Variants in BMP7 observed in about 807,000 individuals in gnomAD.
BMP7 encodes the protein bone morphogenetic protein 7.
A neutral mutation model predicts 41.2 loss-of-function variants in BMP7; 12 were observed. That is an observed-to-expected ratio of 0.29 (90% CI 0.19 to 0.47). The LOEUF (loss-of-function observed/expected upper bound fraction) is 0.47, where lower values mean the gene tolerates loss of function less well. Among genes scored for constraint, BMP7 ranks in the 20% least tolerant of loss-of-function variants. The pLI is 0.99. For synonymous variants in BMP7, 248 were observed against 250.0 expected, an observed-to-expected ratio of 0.99 and a Z score of 0.07; for missense variants, 467 against 606.0, an observed-to-expected ratio of 0.77 and a Z score of 2.41.
chr20:57,175,807 C>T (rs1983910903), intron 4 of BMP7, among the ~76,000 whole-genome samples: 1 of 143,322 alleles, frequency 7.0e-6, no homozygotes, highest in African/African-American at 2.6e-5. Flanking sequence ...CTGTCATACT[C>T]AGAGCAGGGC....
At chr20:57,177,355 A>T (rs1174701263) in intron 4 of BMP7, among the ~76,000 whole-genome samples, 1 of 150,762 alleles carries the variant, frequency 6.6e-6, no homozygotes, top group African/African-American at 2.4e-5. Flanking sequence ...TTCATCAGCA[A>T]TTTTTTTTTT....
intron 1 of BMP7, among the ~76,000 whole-genome samples, chr20:57,263,743 T>C (rs1479202834): frequency 6.6e-6 from 1 of 152,154 alleles, no homozygotes; most frequent in Non-Finnish European, 1.5e-5. Context: ...TCTGCGTTCA[T>C]TATTTATATG....
intron 1 of BMP7, among the ~76,000 whole-genome samples, chr20:57,244,758 C>G (rs1798588792): frequency 6.6e-6 from 1 of 152,202 alleles, no homozygotes; most frequent in African/African-American, 2.4e-5. Context: ...GCCCCAAGAG[C>G]AGCCAGGTGG....
At chr20:57,265,562 T>A (rs188130885) in intron 1 of BMP7, 143 bp downstream of exon 1, 10 of 1,335,994 alleles carry the variant, frequency 7.5e-6, no homozygotes, top group Middle Eastern at 1.9e-4. Context: ...CATAGGGCTG[T>A]GGGTGGGAGA....
chr20:57,173,447 AGGGGGCCCAGCAG>A (rs1480643300), intron 5 of BMP7, 137 bp from the exon 6 acceptor site: 1 of 833,206 alleles, frequency 1.2e-6, no homozygotes, highest in Admixed American at 2.0e-5. Context: ...TCTGAGCAGC[AGGGGGCCCAGCAG>A]GGGCAGGAAA....
At chr20:57,243,474 T>TA (rs961148822) in intron 1 of BMP7, among the ~76,000 whole-genome samples, 22 of 148,940 alleles carry the variant, frequency 1.5e-4, no homozygotes, top group Admixed American at 3.3e-4. Flanking sequence ...GACTCTGCCC[T>TA]AAAAAAAAAA....
intron 1 of BMP7, among the ~76,000 whole-genome samples, chr20:57,244,592 AC>A (rs1263033397): frequency 1.2e-4 from 18 of 152,332 alleles, no homozygotes; most frequent in Admixed American, 1.2e-3. Context: ...AAGTTAACCC[AC>A]CTCTGGAAGG....
chr20:57,179,076 C>T (rs960034616), intron 4 of BMP7, among the ~76,000 whole-genome samples: 2 of 152,198 alleles, frequency 1.3e-5, no homozygotes, highest in South Asian at 2.1e-4. Context: ...TTATGGTGTA[C>T]GAGTGAGGCG....
At chr20:57,225,888 T>G (rs1284772989) in intron 2 of BMP7, 1 of 469,658 alleles carries the variant, frequency 2.1e-6, no homozygotes, top group East Asian at 6.9e-5. Flanking sequence ...GAACGTGAGC[T>G]TCCAGAGGGC....
At chr20:57,180,567 T>G (rs578030235) in intron 4 of BMP7, among the ~76,000 whole-genome samples, 49 of 152,320 alleles carry the variant, frequency 3.2e-4, no homozygotes, top group Non-Finnish European at 6.5e-4. Flanking sequence ...CCCTCCTTCC[T>G]GTCCTAAATT....
intron 1 of BMP7, among the ~76,000 whole-genome samples, chr20:57,245,047 A>G (rs1025743009): frequency 5.9e-5 from 9 of 152,148 alleles, no homozygotes; most frequent in African/African-American, 1.9e-4. Flanking sequence ...TTTCAAAATA[A>G]GAGTCTTCTT....
At chr20:57,230,370 C>T (rs2426702) in intron 1 of BMP7, among the ~76,000 whole-genome samples, 25,734 of 151,938 alleles carry the variant, frequency 0.17, 2,527 homozygotes, top group East Asian at 0.33. Context: ...GGTGGGAAGG[C>T]GGGGCAAAGG....
At chr20:57,244,718 C>A (rs988974470) in intron 1 of BMP7, among the ~76,000 whole-genome samples, 1 of 152,320 alleles carries the variant, frequency 6.6e-6, no homozygotes, top group Middle Eastern at 3.4e-3. Context: ...GAGACCTGTG[C>A]CTTGCCTGCT....
At chr20:57,210,450 C>A (rs1443395775) in intron 2 of BMP7, among the ~76,000 whole-genome samples, 1 of 152,154 alleles carries the variant, frequency 6.6e-6, no homozygotes, top group Non-Finnish European at 1.5e-5. Flanking sequence ...TTTTTTTGGC[C>A]TCTGGCTACC....
chr20:57,169,686 G>C lies in BMP7; in HGVS notation c.*1273C>G, dbSNP rs1983771059. 1 of 152,234 alleles carries C rather than the reference G, an allele frequency of 6.6e-6. No homozygotes were observed. The highest frequency in any genetic ancestry group is 1.5e-5 in the Non-Finnish European group (1 of 68,048). The allele number at this position is 152,234 out of a possible 1,614,324, so 9.4% of individuals were successfully genotyped here. A position where few individuals can be genotyped will look rare whatever the true frequency, so the allele number is the denominator to read the frequency against. The stretch of plus-strand genomic sequence containing the variant: ...GGAATGCCACTGCAGACAAAGACCA[G>C]AGGGTCCACTGGGGCGATGTGCAGT... On this transcript the variant is annotated 3_prime_UTR_variant, in exon 7 of 7. Coordinates refer to ENST00000395863, the MANE Select transcript of BMP7 (RefSeq NM_001719.3).
intron 4 of BMP7, among the ~76,000 whole-genome samples, chr20:57,176,597 C>T (rs922009413): frequency 1.3e-5 from 2 of 152,128 alleles, no homozygotes; most frequent in African/African-American, 4.8e-5. Context: ...AGTCAAACCC[C>T]AGCTCTCCTA....
At chr20:57,244,885 G>A (rs1324279090) in intron 1 of BMP7, among the ~76,000 whole-genome samples, 1 of 152,194 alleles carries the variant, frequency 6.6e-6, no homozygotes, top group Non-Finnish European at 1.5e-5. Context: ...GCTGGTTTAA[G>A]GTATTTTAGA....
Position 57,228,350 on chromosome 20 carries a change from G to A in BMP7, c.490C>T (p.Pro164Ser). 1 of 1,614,124 alleles carries A rather than the reference G, an allele frequency of 6.2e-7. No homozygotes were observed. The highest frequency in any genetic ancestry group is 8.5e-7 in the Non-Finnish European group (1 of 1,180,006). The change falls in exon 2 of 7, where the codon CCA (proline) becomes TCA (serine). Residue 164 changes from proline to serine, a missense_variant. Coordinates refer to ENST00000395863, the MANE Select transcript of BMP7 (RefSeq NM_001719.3). The surrounding 1 kb of genome is among the most constrained non-coding windows in gnomAD (Gnocchi z 4.5). ...REFRFDLSKI[P>S]EGEAVTAAEF... ...GCTGCCGTGACAGCTTCCCCTTCTG[G>A]GATCTTGGAAAGATCAAACCGGAAC...
intron 4 of BMP7, among the ~76,000 whole-genome samples, chr20:57,180,167 A>G (rs1004315992): frequency 4.6e-5 from 7 of 152,112 alleles, no homozygotes; most frequent in Non-Finnish European, 7.4e-5. Context: ...AGCAGCCAGA[A>G]TGATCTTATC....
Sources: allele counts gnomAD v4.1 joint callset (sites outside exome capture counted in the v4.1 genomes callset), GRCh38; gene constraint gnomAD v4.1.1; non-coding constraint Gnocchi (gnomAD v3.1); transcripts MANE v1.5; gene names NCBI Gene and HGNC (gene_info 2026-07-23, HGNC 2026-07-21).